FAM13B: variants seen among roughly 807,000 people sequenced by gnomAD.
FAM13B encodes the protein family with sequence similarity 13 member B.
A neutral mutation model predicts 117.3 loss-of-function variants in FAM13B; 60 were observed. The ratio of observed to expected loss-of-function variants is 0.51; its 90% CI spans 0.42 to 0.63. The LOEUF (loss-of-function observed/expected upper bound fraction) is 0.63. Among genes scored for constraint, FAM13B ranks in the 30% least tolerant of loss-of-function variants. The pLI is 0.00. For missense variants in FAM13B, 972 were observed against 1,091.9 expected, an observed-to-expected ratio of 0.89 and a Z score of 1.55; for synonymous variants, 332 against 356.1, an observed-to-expected ratio of 0.93 and a Z score of 0.76.
chr5:138,007,385 A>G (rs1782816798), intron 6 of FAM13B, among the ~76,000 whole-genome samples: 1 of 152,226 alleles, frequency 6.6e-6, no homozygotes, highest in African/African-American at 2.4e-5. Context: ...GCAAATTAGT[A>G]TATTAGTATA....
chr5:138,020,499 C>CCAATATCTG (rs1364404111), intron 2 of FAM13B, among the ~76,000 whole-genome samples: 1 of 152,094 alleles, frequency 6.6e-6, no homozygotes, highest in East Asian at 1.9e-4. Context: ...ATGGCCATTT[C>CCAATATCTG]CAATATCTGA....
At chr5:137,986,021 A>AT (rs1330516717) in intron 9 of FAM13B, among the ~76,000 whole-genome samples, 2 of 151,716 alleles carry the variant, frequency 1.3e-5, no homozygotes, top group Non-Finnish European at 2.9e-5. Flanking sequence ...TTAGATACTG[A>AT]TTTTTTCCTT....
intron 1 of FAM13B, chr5:138,039,989 G>GC (rs759372153): frequency 1.3e-5 from 2 of 152,274 alleles, no homozygotes; most frequent in East Asian, 3.9e-4. Flanking sequence ...CAACCTGGCC[G>GC]GGCACGGTGG....
At chr5:137,940,462 G>C in intron 23 of FAM13B, 114 bp from the exon 24 acceptor site, 3 of 541,036 alleles carry the variant, frequency 5.5e-6, no homozygotes, top group Non-Finnish European at 6.0e-6. Context: ...ATAAAAAGTT[G>C]TTCTGTTAAA....
intron 1 of FAM13B, among the ~76,000 whole-genome samples, chr5:138,041,358 G>C (rs912968469): frequency 1.3e-5 from 2 of 151,990 alleles, no homozygotes; most frequent in African/African-American, 4.8e-5. Context: ...ATTGTGAGAG[G>C]GTAAATTAAA....
intron 20 of FAM13B, among the ~76,000 whole-genome samples, chr5:137,943,619 C>T (rs947503280): frequency 6.6e-6 from 1 of 152,136 alleles, no homozygotes; most frequent in African/African-American, 2.4e-5. Flanking sequence ...GTGGCACGCA[C>T]CTGTAGTCCC....
intron 11 of FAM13B, among the ~76,000 whole-genome samples, chr5:137,960,982 G>A (rs181351374): frequency 7.2e-5 from 11 of 152,106 alleles, no homozygotes; most frequent in East Asian, 1.9e-4. Context: ...ACTTCTAACC[G>A]GCCATAACAG....
At chr5:138,023,185 T>C (rs1324009913) in intron 1 of FAM13B, among the ~76,000 whole-genome samples, 1 of 152,082 alleles carries the variant, frequency 6.6e-6, no homozygotes, top group South Asian at 2.1e-4. Context: ...TTTTCTAAGG[T>C]GAGGCTGGGT....
Position 137,962,428 on chromosome 5 carries a change from A to G in FAM13B, c.1221T>C (p.Asp407=), listed in dbSNP as rs1233800612. ...ACCTCTCAAGACAGCCATCTTCACT[A>G]TCACCACGGTCACTGCATGGCTCTA... ...ILLEPCSDRG[D]SEDGCLEREE... Residue 407 remains aspartate, a synonymous_variant, in exon 11 of 24, where the codon GAT becomes GAC. Transcript: ENST00000689681. 6 of 1,613,866 alleles carry G rather than the reference A, an allele frequency of 3.7e-6. No homozygotes were observed. Among genetic ancestry groups the G allele is most frequent in the Middle Eastern group, 3.3e-4 (2 of 6,060 alleles).
intron 13 of FAM13B, among the ~76,000 whole-genome samples, chr5:137,959,250 G>A (rs571752944): frequency 1.1e-4 from 16 of 152,288 alleles, no homozygotes; most frequent in Middle Eastern, 3.4e-3. Context: ...AATTATACAC[G>A]CTCTGCTTAA....
At chr5:137,981,623 TA>T (rs1165991175) in intron 10 of FAM13B, among the ~76,000 whole-genome samples, 1 of 151,892 alleles carries the variant, frequency 6.6e-6, no homozygotes, top group Non-Finnish European at 1.5e-5. Context: ...CCGTCTCTAC[TA>T]AAAATACAAA....
At chr5:137,950,605 C>T (rs1423083201) in intron 17 of FAM13B, among the ~76,000 whole-genome samples, 20 of 152,128 alleles carry the variant, frequency 1.3e-4, no homozygotes, top group Admixed American at 6.5e-5. Flanking sequence ...ACAAACATGG[C>T]TCACTGCAGC....
At chr5:137,941,723 G>A (rs1214257288) in intron 23 of FAM13B, among the ~76,000 whole-genome samples, 2 of 152,148 alleles carry the variant, frequency 1.3e-5, no homozygotes, top group African/African-American at 2.4e-5. Flanking sequence ...AGGCTCCCTA[G>A]GACAATCCGA....
chr5:138,036,467 C>A (rs1404320857), upstream of FAM13B: 8 of 456,562 alleles, frequency 1.8e-5, no homozygotes, highest in Non-Finnish European at 3.5e-5. Flanking sequence ...CAGACACAGG[C>A]CCACGGTGCC....
In FAM13B at chr5:137,952,721, T is replaced by C. The variant is rs1765387286; in HGVS notation, c.1849-12A>G. 6.5e-7 allele frequency: 1 copy of C among 1,537,050 alleles called. No individual in the cohort carries two copies. The highest frequency in any genetic ancestry group is 2.3e-5 in the East Asian group (1 of 44,276). ...TCACTGTAGGAGGGCTGAAAAATTA[T>C]GGAGCAGAATCACTGACACTTGTGA... On this transcript the variant is annotated splice_polypyrimidine_tract_variant and intron_variant, in intron 16 of 23. Transcript: ENST00000689681.
intron 1 of FAM13B, among the ~76,000 whole-genome samples, chr5:138,026,778 A>G (rs1430609498): frequency 6.6e-6 from 1 of 151,624 alleles, no homozygotes; most frequent in Non-Finnish European, 1.5e-5. Flanking sequence ...TATCTCTACT[A>G]AAAGTAAAAA....
At chr5:137,985,160 T>A in intron 10 of FAM13B, 97 bp downstream of exon 10, 2 of 1,170,380 alleles carry the variant, frequency 1.7e-6, no homozygotes, top group Non-Finnish European at 2.4e-6. Flanking sequence ...GACAATTAAG[T>A]GTATCAGCAA....
intron 10 of FAM13B, among the ~76,000 whole-genome samples, chr5:137,972,710 C>G (rs970721488): frequency 8.6e-5 from 13 of 151,426 alleles, no homozygotes; most frequent in African/African-American, 2.4e-4. Flanking sequence ...TCTAGAAAAC[C>G]CCATTGTCTC....
chr5:137,943,976 C>T (rs1331051155), intron 20 of FAM13B, among the ~76,000 whole-genome samples: 4 of 152,156 alleles, frequency 2.6e-5, no homozygotes, highest in Admixed American at 6.5e-5. Flanking sequence ...AATTTCGGAA[C>T]GTTTCATTAC....
Sources: allele counts gnomAD v4.1 joint callset (sites outside exome capture counted in the v4.1 genomes callset), GRCh38; gene constraint gnomAD v4.1.1; transcripts MANE v1.5; gene names NCBI Gene and HGNC (gene_info 2026-07-23, HGNC 2026-07-21).